PSD2: variants seen among roughly 807,000 people sequenced by gnomAD.
PSD2 encodes the protein pleckstrin and Sec7 domain containing 2, also known as PH and SEC7 domain-containing protein 2.
In PSD2, 38 loss-of-function variants were observed where a neutral mutation model predicts 69.8. The ratio of observed to expected loss-of-function variants is 0.54; its 90% CI spans 0.42 to 0.71. The LOEUF (loss-of-function observed/expected upper bound fraction) is 0.71. Ranked by LOEUF, PSD2 falls within the 30% of genes least tolerant of loss-of-function variation. The probability of loss-of-function intolerance (pLI) is 0.00; values close to 1 mark genes in which losing one functional copy is unlikely to be tolerated. For synonymous variants in PSD2, 412 were observed against 423.0 expected, an observed-to-expected ratio of 0.97 and a Z score of 0.32; for missense variants, 943 against 1,014.5, an observed-to-expected ratio of 0.93 and a Z score of 0.96.
intron 2 of PSD2, among the ~76,000 whole-genome samples, chr5:139,812,250 C>G (rs1759986695): frequency 6.6e-6 from 1 of 152,042 alleles, no homozygotes; most frequent in Non-Finnish European, 1.5e-5. Context: ...AAAAAAGGGG[C>G]TGGGGTGTTT....
chr5:139,824,773 G>T (rs113363248), intron 7 of PSD2, among the ~76,000 whole-genome samples: 1 of 152,108 alleles, frequency 6.6e-6, no homozygotes, highest in South Asian at 2.1e-4. Flanking sequence ...AAGGCCTGGC[G>T]GTTGCAGTTA....
At chr5:139,762,216 T>C in the PSD2 span, among the ~76,000 whole-genome samples, 4 of 150,920 alleles carry the variant, frequency 2.7e-5, no homozygotes, top group Non-Finnish European at 5.9e-5. Context: ...CTAATTTTTG[T>C]ATTTTTAGTA....
rs1029359765 is a variant in PSD2, at chr5:139,838,871, T to C, written c.1968+99T>C. The stretch of plus-strand genomic sequence containing the variant: ...ACCCCAGCTCTGTCTCTAGGCTGGG[T>C]GATCCTGGGCTGAAGGACACCAGAG... On this transcript the variant is annotated intron_variant, in intron 13 of 14. Transcript: ENST00000274710. 2.5e-5 allele frequency: 33 copies of C among 1,345,398 alleles called. No homozygotes were observed. The East Asian group carries it at 6.0e-4, about 24-fold the overall frequency. 83.3% of individuals were successfully genotyped at this position (1,345,398 alleles called of 1,614,324 possible).
Position 139,839,947 on chromosome 5 carries a change from A to G in PSD2, c.1969-80A>G. ...GGCCTTCATTTCCCTTTGGTGGAGC[A>G]GCTCCTGGTAGAACAGGATTTGAGC... On this transcript the variant is annotated intron_variant, in intron 13 of 14. Coordinates refer to ENST00000274710, the MANE Select transcript of PSD2 (RefSeq NM_032289.4). The surrounding 1 kb of genome is among the most constrained non-coding windows in gnomAD (Gnocchi z 5.1). 6.6e-7 allele frequency: 1 copy of G among 1,509,048 alleles called. No individual in the cohort carries two copies. The highest frequency in any genetic ancestry group is 9.1e-7 in the Non-Finnish European group (1 of 1,096,676). The allele number at this position is 1,509,048 out of a possible 1,614,324, so 93.5% of individuals were successfully genotyped here. A position where few individuals can be genotyped will look rare whatever the true frequency, so the allele number is the denominator to read the frequency against.
the PSD2 span, among the ~76,000 whole-genome samples, chr5:139,785,650 A>G: frequency 6.6e-6 from 1 of 152,192 alleles, no homozygotes; most frequent in African/African-American, 2.4e-5. Context: ...ATGATTCAGG[A>G]GGGCAAGGAT....
In PSD2 at chr5:139,813,321, C is replaced by T. The variant is rs775305748; in HGVS notation, c.384C>T (p.Pro128=). 41 of 1,553,188 alleles carry T rather than the reference C, an allele frequency of 2.6e-5. No individual in the cohort carries two copies. The highest frequency in any genetic ancestry group is 1.8e-4 in the Admixed American group (10 of 55,872). ...AEDPQLGLDG[P]GEPDVRDGFS... is the part of the protein sequence containing the mutation. ...TTGCATCCCACAGGTTGGATGGTCC[C>T]GGGGAGCCAGATGTGCGGGATGGCT... The change falls in exon 3 of 15, where the codon CCC becomes CCT. Residue 128 remains proline (P), a synonymous_variant. Transcript: ENST00000274710.
rs1178536477 is a variant in PSD2 at position 139,813,627 on chromosome 5, C to T, written c.690C>T (p.Arg230=). 6.2e-7 allele frequency: 1 copy of T among 1,613,814 alleles called. No homozygotes were observed. The highest frequency in any genetic ancestry group is 1.3e-5 in the African/African-American group (1 of 74,938). ...TGCGGCGCTCCATCTCCAGCAGCCG[C>T]TCTGAGAATGTCCTGAGCCGCCTGT... The part of the protein sequence containing the change: ...SPLRRSISSS[R]SENVLSRLSL... Residue 230 remains arginine (R), a synonymous_variant, in exon 3 of 15, where the codon CGC becomes CGT. Transcript: ENST00000274710.
the PSD2 span, chr5:139,775,173 C>T: frequency 6.6e-6 from 1 of 152,352 alleles, no homozygotes; most frequent in Non-Finnish European, 1.5e-5. Flanking sequence ...GAGACAAGGC[C>T]TTGAGGCACT....
chr5:139,789,078 G>A, the PSD2 span, among the ~76,000 whole-genome samples: 5 of 152,322 alleles, frequency 3.3e-5, no homozygotes, highest in East Asian at 5.8e-4. Flanking sequence ...TCCCTGCCCC[G>A]GCTCCTGACT....
the PSD2 span, among the ~76,000 whole-genome samples, chr5:139,783,882 G>A: frequency 6.7e-6 from 1 of 148,980 alleles, no homozygotes; most frequent in Non-Finnish European, 1.5e-5. Flanking sequence ...TCTCTGCACA[G>A]ATGCTTTTTC....
At chr5:139,842,123 T>C in intron 14 of PSD2, 148 bp from the exon 15 acceptor site, 1 of 639,582 alleles carries the variant, frequency 1.6e-6, no homozygotes, top group Non-Finnish European at 2.6e-6. Flanking sequence ...ATGTCCCTTG[T>C]TTATTTTTTA....
At chr5:139,774,534 A>AG in the PSD2 span, among the ~76,000 whole-genome samples, 1 of 152,180 alleles carries the variant, frequency 6.6e-6, no homozygotes, top group African/African-American at 2.4e-5. Context: ...TCTGTCACCC[A>AG]GGCTGGAGTG....
the PSD2 span, among the ~76,000 whole-genome samples, chr5:139,745,507 T>A: frequency 6.6e-6 from 1 of 152,212 alleles, no homozygotes; most frequent in Non-Finnish European, 1.5e-5. Context: ...AGGGGGCCCT[T>A]TTCCCAGCAT....
chr5:139,773,292 C>T, the PSD2 span, among the ~76,000 whole-genome samples: 53 of 152,190 alleles, frequency 3.5e-4, no homozygotes, highest in African/African-American at 1.1e-3. Flanking sequence ...GATTGGGTCT[C>T]GCTTTTGTCA....
intron 7 of PSD2, among the ~76,000 whole-genome samples, chr5:139,826,726 G>A (rs948965552): frequency 6.6e-6 from 1 of 152,178 alleles, no homozygotes; most frequent in African/African-American, 2.4e-5. Context: ...GTAGAGTCAG[G>A]CAGGGTCCAG....
the PSD2 span, among the ~76,000 whole-genome samples, chr5:139,763,655 G>A: frequency 9.8e-5 from 15 of 152,294 alleles, no homozygotes; most frequent in South Asian, 6.2e-4. Flanking sequence ...TGCTCCTCTC[G>A]GAATGGAGGC....
At chr5:139,752,229 C>T in the PSD2 span, among the ~76,000 whole-genome samples, 2 of 152,116 alleles carry the variant, frequency 1.3e-5, no homozygotes, top group African/African-American at 4.8e-5. Context: ...GGCTCTCACT[C>T]TCTCTCTGCC....
chr5:139,788,048 C>T, the PSD2 span, among the ~76,000 whole-genome samples: 1 of 152,230 alleles, frequency 6.6e-6, no homozygotes, highest in Non-Finnish European at 1.5e-5. Flanking sequence ...GTATTCGCTT[C>T]CTTTCAGAGT....
At chr5:139,834,911 C>G (rs1760678723) in intron 8 of PSD2, among the ~76,000 whole-genome samples, 1 of 151,744 alleles carries the variant, frequency 6.6e-6, no homozygotes, top group South Asian at 2.1e-4. Flanking sequence ...TTCACCTACC[C>G]ATATACCCAC....
Sources: allele counts gnomAD v4.1 joint callset (sites outside exome capture counted in the v4.1 genomes callset), GRCh38; gene constraint gnomAD v4.1.1; non-coding constraint Gnocchi (gnomAD v3.1); transcripts MANE v1.5; gene names NCBI Gene and HGNC (gene_info 2026-07-23, HGNC 2026-07-21).